KCNH7: variants seen among roughly 807,000 people sequenced by gnomAD.
The protein encoded by KCNH7 is voltage-gated inwardly rectifying potassium channel KCNH7.
In KCNH7, 49 loss-of-function variants were observed where a neutral mutation model predicts 120.8. The ratio of observed to expected loss-of-function variants is 0.41; its 90% CI spans 0.32 to 0.51. The LOEUF (loss-of-function observed/expected upper bound fraction) is 0.51, where lower values mean the gene tolerates loss of function less well. Among genes scored for constraint, KCNH7 ranks in the 20% least tolerant of loss-of-function variants. The pLI, the probability that KCNH7 is intolerant of heterozygous loss-of-function variation, is 0.38. For missense variants in KCNH7, 1,097 were observed against 1,446.6 expected (o/e 0.76, Z 3.92); for synonymous variants, 547 against 516.1 (o/e 1.06, Z -0.81).
intron 6 of KCNH7, among the ~76,000 whole-genome samples, chr2:162,473,475 C>A (rs1405248166): frequency 1.3e-5 from 2 of 152,014 alleles, no homozygotes; most frequent in African/African-American, 2.4e-5. Flanking sequence ...GCTTTCTCTT[C>A]AAAGCAACAG....
At chr2:162,696,302 G>C (rs1044005798) in intron 2 of KCNH7, among the ~76,000 whole-genome samples, 1 of 152,136 alleles carries the variant, frequency 6.6e-6, no homozygotes, top group African/African-American at 2.4e-5. Flanking sequence ...AATGTTTTTA[G>C]TAATTATGTT....
chr2:162,723,446 AAAG>A (rs555713283), intron 2 of KCNH7, among the ~76,000 whole-genome samples: 155 of 152,316 alleles, frequency 1.0e-3, no homozygotes, highest in African/African-American at 3.6e-3. Context: ...ATTCAGCCAG[AAAG>A]AAGAAGGAAT....
intron 2 of KCNH7, among the ~76,000 whole-genome samples, chr2:162,755,013 G>A (rs200479528): frequency 8.0e-6 from 1 of 125,302 alleles, no homozygotes; most frequent in African/African-American, 5.2e-5. Flanking sequence ...GAAATACAAA[G>A]CTTCCTACTT....
At position 162,557,549 on chromosome 2, in the gene KCNH7, G is replaced by A. The variant is rs1692901322; in HGVS notation, c.308-20469C>T. ...GGAGATATTGTTGCAGCTGTCTTTG[G>A]AAAATGCAACTGGCTGCAGCTGATT... On this transcript the variant is annotated intron_variant, in intron 2 of 15. Coordinates refer to ENST00000332142, the MANE Select transcript of KCNH7 (RefSeq NM_033272.4). 2.0e-5 allele frequency among the ~76,000 whole-genome samples: 3 copies of A among 152,116 alleles called. No homozygotes were observed. The South Asian group carries it at 6.2e-4, about 32-fold the overall frequency.
In KCNH7 at chr2:162,371,814, A is replaced by C. The variant is rs373993413; in HGVS notation, c.*15T>G. The C allele has an allele frequency of 4.8e-5, 77 of 1,602,542 alleles. No homozygotes were observed. Among genetic ancestry groups the C allele is most frequent in the Non-Finnish European group, 6.6e-5 (77 of 1,171,030 alleles). The stretch of plus-strand genomic sequence containing the variant: ...AAGCACTTACATTGTATGTGGAGTA[A>C]ATAGTACAAAATGATTATTTCCCTG... On this transcript the variant is annotated 3_prime_UTR_variant, in exon 16 of 16. Coordinates refer to ENST00000332142, the MANE Select transcript of KCNH7 (RefSeq NM_033272.4).
chr2:162,790,034 G>A (rs181445982), intron 2 of KCNH7, among the ~76,000 whole-genome samples: 1 of 150,736 alleles, frequency 6.6e-6, no homozygotes, highest in Non-Finnish European at 1.5e-5. Context: ...CAATAGATAA[G>A]ATCAATAAAA....
At chr2:162,663,947 G>A (rs111868865) in intron 2 of KCNH7, among the ~76,000 whole-genome samples, 2,438 of 152,144 alleles carry the variant, frequency 0.016, 76 homozygotes, top group African/African-American at 0.055. Flanking sequence ...TTTTCTGTCC[G>A]GATTCACTGA....
chr2:162,795,452 T>G (rs1684110965), intron 2 of KCNH7: 1 of 152,024 alleles, frequency 6.6e-6, no homozygotes, highest in Non-Finnish European at 1.5e-5. Flanking sequence ...GGTTAAAGTA[T>G]GGTGAAGTCT....
intron 11 of KCNH7, among the ~76,000 whole-genome samples, chr2:162,395,745 G>A (rs1686893946): frequency 6.6e-6 from 1 of 151,704 alleles, no homozygotes; most frequent in African/African-American, 2.4e-5. Context: ...CTGAACTGGT[G>A]TATCAGGGTA....
intron 9 of KCNH7, among the ~76,000 whole-genome samples, chr2:162,408,707 T>C (rs1687301713): frequency 6.6e-6 from 1 of 151,930 alleles, no homozygotes; most frequent in Non-Finnish European, 1.5e-5. Flanking sequence ...GGTGGGTCAT[T>C]AAGAAAAATG....
intron 2 of KCNH7, among the ~76,000 whole-genome samples, chr2:162,641,901 AC>A (rs1684170330): frequency 6.6e-6 from 1 of 152,178 alleles, no homozygotes; most frequent in Admixed American, 6.6e-5. Context: ...AAAAATATGA[AC>A]ATAGAGTCTG....
At position 162,444,323 on chromosome 2, in the gene KCNH7, T is replaced by C. The variant is rs536692381; in HGVS notation, c.1554+1695A>G. 7.2e-5 allele frequency among the ~76,000 whole-genome samples: 11 copies of C among 152,284 alleles called. 1 individual carries two copies. The highest frequency in any genetic ancestry group is 1.9e-4 in the African/African-American group (8 of 41,568). On this transcript the variant is annotated intron_variant, in intron 7 of 15. Coordinates refer to ENST00000332142, the MANE Select transcript of KCNH7 (RefSeq NM_033272.4). ...TGAAGGGTACCTAACAAAAAATTTT[T>C]GAATAAATAAAGTATTATATTAGTA...
intron 2 of KCNH7, among the ~76,000 whole-genome samples, chr2:162,607,216 A>G (rs998574798): frequency 1.8e-5 from 2 of 114,140 alleles, no homozygotes; most frequent in South Asian, 6.3e-4. Context: ...CTCTACTAAA[A>G]ATACAAAAAA....
At chr2:162,469,247 T>C (rs1689413181) in intron 6 of KCNH7, among the ~76,000 whole-genome samples, 1 of 152,188 alleles carries the variant, frequency 6.6e-6, no homozygotes, top group African/African-American at 2.4e-5. Context: ...TGTCAATTCA[T>C]ATAAACCAAC....
chr2:162,836,548 T>C lies in KCNH7; in HGVS notation c.296A>G (p.Tyr99Cys). ...TAGAGGAATTTTACCATTTTTGTGATAGTAGGTGACCTCCACTTTCCTCTC... is the reference window on the plus strand; with the variant it reads ...TAGAGGAATTTTACCATTTTTGTGACAGTAGGTGACCTCCACTTTCCTCTC... Reference protein sequence around the residue: ...SEERKVEVTYYHKNGSTFICN... With the variant: ...SEERKVEVTYCHKNGSTFICN... Residue 99 changes from tyrosine (Y) to cysteine (C), a missense_variant, in exon 2 of 16, where the codon TAT (tyrosine) becomes TGT (cysteine). Transcript: ENST00000332142. 1 of 1,612,970 alleles carries C rather than the reference T, an allele frequency of 6.2e-7. No individual in the cohort carries two copies. The highest frequency in any genetic ancestry group is 8.5e-7 in the Non-Finnish European group (1 of 1,178,978).
At chr2:162,517,052 T>C (rs545504730) in intron 4 of KCNH7, among the ~76,000 whole-genome samples, 1 of 151,894 alleles carries the variant, frequency 6.6e-6, no homozygotes, top group South Asian at 2.1e-4. Flanking sequence ...TCAATTACCA[T>C]GTTCATGATA....
At chr2:162,827,698 G>A (rs1685335988) in intron 2 of KCNH7, among the ~76,000 whole-genome samples, 1 of 152,144 alleles carries the variant, frequency 6.6e-6, no homozygotes, top group African/African-American at 2.4e-5. Context: ...AGGTTTAAGA[G>A]GTGTATCATT....
intron 6 of KCNH7, among the ~76,000 whole-genome samples, chr2:162,448,635 A>AC (rs2105564074): frequency 6.6e-6 from 1 of 152,220 alleles, no homozygotes; most frequent in South Asian, 2.1e-4. Flanking sequence ...CTAACCTCCC[A>AC]CATGGGGCAA....
In KCNH7 at chr2:162,504,587, G is replaced by A. The variant is rs1214803556; in HGVS notation, c.984C>T (p.Thr328=). 1.2e-6 allele frequency: 2 copies of A among 1,612,836 alleles called. No homozygotes were observed. Among genetic ancestry groups the A allele is most frequent in the South Asian group, 1.1e-5 (1 of 91,060 alleles). Residue 328 remains threonine, a synonymous_variant, in exon 6 of 16, where the codon ACC becomes ACT. Transcript: ENST00000332142. ...TSDSNLNKYS[T]INKIPQLTLN... The stretch of plus-strand genomic sequence containing the variant: ...GAGTGAGCTGTGGAATCTTGTTAAT[G>A]GTGCTGTATTTGTTGAGGTTTGAAT...
Sources: allele counts gnomAD v4.1 joint callset (sites outside exome capture counted in the v4.1 genomes callset), GRCh38; gene constraint gnomAD v4.1.1; transcripts MANE v1.5; gene names NCBI Gene and HGNC (gene_info 2026-07-23, HGNC 2026-07-21).